Variants in KIAA0586 observed in about 807,000 individuals in gnomAD.
The protein encoded by KIAA0586 is protein TALPID3.
A neutral mutation model predicts 169.8 loss-of-function variants in KIAA0586; 144 were observed. That is an observed-to-expected ratio of 0.85 (90% CI 0.74 to 0.97). KIAA0586 has a LOEUF of 0.97. KIAA0586 is among the 50% of genes least tolerant of loss of function. KIAA0586 has a pLI of 0.00. For missense variants in KIAA0586, 1,854 were observed against 1,823.0 expected (o/e 1.02, Z -0.31); for synonymous variants, 625 against 612.4 (o/e 1.02, Z -0.30).
chr14:58,542,483 A>AG (rs2046701815), intron 30 of KIAA0586, among the ~76,000 whole-genome samples: 1 of 152,110 alleles, frequency 6.6e-6, no homozygotes, highest in Admixed American at 6.6e-5. Context: ...TCTCAAAAAA[A>AG]AAAAAAATTC....
chr14:58,469,898 G>A (rs1312435646), intron 16 of KIAA0586, among the ~76,000 whole-genome samples: 1 of 152,094 alleles, frequency 6.6e-6, no homozygotes, highest in Admixed American at 6.5e-5. Context: ...TCTAATTTTG[G>A]TGAGGGTTGG....
chr14:58,468,748 G>A (rs1467940693), intron 16 of KIAA0586, among the ~76,000 whole-genome samples: 2 of 152,184 alleles, frequency 1.3e-5, no homozygotes, highest in East Asian at 3.9e-4. Flanking sequence ...GGCAACTGTA[G>A]GAAAGCATTC....
Position 58,488,853 on chromosome 14 carries a change from G to A in KIAA0586, c.3760G>A (p.Gly1254Ser). 1 of 1,613,352 alleles carries A rather than the reference G, an allele frequency of 6.2e-7. No individual in the cohort carries two copies. Among genetic ancestry groups the A allele is most frequent in the South Asian group, 1.1e-5 (1 of 90,948 alleles). The part of the protein sequence containing the change: ...ISEGEILFSC[G>S]QKLAPKILED... Reference sequence around the variant, plus strand: ...TGAAGGAGAGATTTTATTTAGCTGTGGTCAAAAATTGGCCCCCAAGAGTAA... The same window carrying A: ...TGAAGGAGAGATTTTATTTAGCTGTAGTCAAAAATTGGCCCCCAAGAGTAA... Residue 1254 changes from glycine to serine, a missense_variant, in exon 24 of 31, where the codon GGT (glycine) becomes AGT (serine). Gly to Ser is a moderately conservative substitution (Grantham distance 56). Coordinates refer to ENST00000652326, the MANE Select transcript of KIAA0586 (RefSeq NM_001329943.3).
intron 19 of KIAA0586, among the ~76,000 whole-genome samples, chr14:58,476,605 G>C (rs1175732838): frequency 2.7e-5 from 4 of 149,786 alleles, no homozygotes; most frequent in African/African-American, 9.8e-5. Context: ...ATTTTAATTT[G>C]ATTTCATAAA....
At chr14:58,442,673 C>T in intron 4 of KIAA0586, 33 bp from the exon 5 acceptor site, 1 of 1,411,176 alleles carries the variant, frequency 7.1e-7, no homozygotes, top group Non-Finnish European at 9.7e-7. Flanking sequence ...ATGTAGTTTA[C>T]TGAATACATT....
At chr14:58,437,048 T>A (rs1010028178) in intron 4 of KIAA0586, among the ~76,000 whole-genome samples, 3 of 152,194 alleles carry the variant, frequency 2.0e-5, no homozygotes, top group African/African-American at 7.2e-5. Flanking sequence ...AGAAATGGAT[T>A]GGAAGAGGGC....
rs1368083699 is a variant in KIAA0586, at chr14:58,428,069, G to A, written c.-196G>A. On this transcript the variant is annotated 5_prime_UTR_variant, in exon 1 of 31. Coordinates refer to ENST00000652326, the MANE Select transcript of KIAA0586 (RefSeq NM_001329943.3). ...CGTGGTGTATTAATAGACTGAGTGG[G>A]ATTAATGGGTAAATATGACTTTATA... 2.8e-6 allele frequency: 4 copies of A among 1,445,282 alleles called. No homozygotes were observed. Among genetic ancestry groups the A allele is most frequent in the Admixed American group, 5.7e-5 (2 of 34,932 alleles). 89.5% of individuals were successfully genotyped at this position (1,445,282 alleles called of 1,614,324 possible).
chr14:58,484,904 A>ATATATATATTTTTT (rs1172767909), intron 21 of KIAA0586, among the ~76,000 whole-genome samples: 1 of 4,204 alleles, frequency 2.4e-4, no homozygotes, highest in Non-Finnish European at 3.5e-4. Context: ...ATATATATAT[A>ATATATATATTTTTT]TATATATATA....
chr14:58,557,535 C>A, the KIAA0586 span, among the ~76,000 whole-genome samples: 2 of 152,156 alleles, frequency 1.3e-5, no homozygotes, highest in African/African-American at 4.8e-5. Flanking sequence ...TGCACCCCGC[C>A]GGTGTAGGCA....
intron 29 of KIAA0586, chr14:58,521,165 AT>A: frequency 2.4e-5 from 15 of 635,972 alleles, no homozygotes; most frequent in Non-Finnish European, 3.6e-5. Flanking sequence ...CTTCTGTGAG[AT>A]TTTTTTGATC....
At chr14:58,539,094 A>G (rs1240081697) in intron 29 of KIAA0586, among the ~76,000 whole-genome samples, 1 of 152,066 alleles carries the variant, frequency 6.6e-6, no homozygotes, top group Admixed American at 6.6e-5. Context: ...TTTATTTTTT[A>G]GTTCCCACAA....
chr14:58,445,547 C>G (rs1344122352), intron 6 of KIAA0586, among the ~76,000 whole-genome samples: 5 of 151,130 alleles, frequency 3.3e-5, no homozygotes, highest in African/African-American at 9.7e-5. Context: ...GATTTTCATG[C>G]TTCAGCTACC....
rs1207300604 is a variant in KIAA0586 at position 58,488,082 on chromosome 14, C to T, written c.3500C>T (p.Pro1167Leu). 1.2e-6 allele frequency: 2 copies of T among 1,604,484 alleles called. No homozygotes were observed. Among genetic ancestry groups the T allele is most frequent in the Non-Finnish European group, 1.7e-6 (2 of 1,175,342 alleles). Residue 1167 changes from proline (P) to leucine (L), a missense_variant, in exon 23 of 31, where the codon CCT (proline) becomes CTT (leucine). Transcript: ENST00000652326. ...CTGGAAGAAGAGAACCCTAACTCAC[C>T]TCAAGAAGAACTTCATCCAAGAGCT... ...LPLEEENPNS[P>L]QEELHPRAIV...
At chr14:58,531,282 G>A (rs2045946608) in intron 29 of KIAA0586, among the ~76,000 whole-genome samples, 1 of 149,100 alleles carries the variant, frequency 6.7e-6, no homozygotes, top group Non-Finnish European at 1.5e-5. Context: ...AGCCGAGATT[G>A]CACCACTGCA....
chr14:58,481,938 C>T (rs1471550891), intron 20 of KIAA0586, among the ~76,000 whole-genome samples: 10 of 151,790 alleles, frequency 6.6e-5, no homozygotes, highest in Admixed American at 1.3e-4. Context: ...CTCAGCCTCC[C>T]GAGTAGCTGG....
At position 58,477,128 on chromosome 14, in the gene KIAA0586, A is replaced by G. The variant is rs181400417; in HGVS notation, c.2831A>G (p.Glu944Gly). The G allele has an allele frequency of 6.5e-6, 10 of 1,533,708 alleles. No homozygotes were observed. Among genetic ancestry groups the G allele is most frequent in the Non-Finnish European group, 8.9e-6 (10 of 1,123,456 alleles). The change falls in exon 20 of 31, where the codon GAG becomes GGG. Residue 944 changes from glutamate (E) to glycine (G), a missense_variant. Coordinates refer to ENST00000652326, the MANE Select transcript of KIAA0586 (RefSeq NM_001329943.3). Reference protein sequence around the residue: ...TLENSLIQWVEQEIMSRIISG... With the variant: ...TLENSLIQWVGQEIMSRIISG... ...CTGCCCCACCATCCTCTCAGGGTAG[A>G]GCAAGAAATAATGTCAAGAATTATC...
chr14:58,534,372 G>C (rs113984865), intron 29 of KIAA0586, among the ~76,000 whole-genome samples: 44 of 152,314 alleles, frequency 2.9e-4, no homozygotes, highest in African/African-American at 1.1e-3. Flanking sequence ...TTGAGTTTAA[G>C]TGTAGTTATG....
rs758094112 is a variant in KIAA0586, at chr14:58,477,139, A to G, written c.2842A>G (p.Met948Val). The G allele has an allele frequency of 6.4e-7, 1 of 1,564,956 alleles. No homozygotes were observed. Among genetic ancestry groups the G allele is most frequent in the Non-Finnish European group, 8.7e-7 (1 of 1,149,586 alleles). ...TCCTCTCAGGGTAGAGCAAGAAATA[A>G]TGTCAAGAATTATCTCTGGGCTCTT... ...SLIQWVEQEI[M>V]SRIISGLFPV... The change falls in exon 20 of 31, where the codon ATG becomes GTG. Residue 948 changes from methionine to valine, a missense_variant. By Grantham distance (21) the Met-to-Val change is conservative (BLOSUM62 1). Transcript: ENST00000652326.
At chr14:58,489,367 G>A (rs1018173769) in intron 24 of KIAA0586, among the ~76,000 whole-genome samples, 4 of 151,880 alleles carry the variant, frequency 2.6e-5, no homozygotes, top group Middle Eastern at 3.4e-3. Flanking sequence ...CTACAGGCAT[G>A]TGCCACCACG....
Sources: gnomAD v4.1 joint callset for allele counts (sites outside exome capture counted in the v4.1 genomes callset) on GRCh38, gnomAD v4.1.1 for gene constraint, MANE v1.5 for transcripts, NCBI Gene and HGNC (gene_info 2026-07-23, HGNC 2026-07-21) for gene names.